KCTD2: variants seen among roughly 807,000 people sequenced by gnomAD.
KCTD2 encodes the protein potassium channel tetramerization domain containing 2.
Under a neutral mutation model 27.9 loss-of-function variants are expected in KCTD2, and 18 were observed. The observed-to-expected ratio is 0.64, with a 90% CI of 0.45 to 0.96. The LOEUF (loss-of-function observed/expected upper bound fraction) is 0.96. KCTD2 is among the 40% of genes least tolerant of loss of function. KCTD2 has a pLI of 0.00. For missense variants in KCTD2, 280 were observed against 348.0 expected (o/e 0.80, Z 1.56); for synonymous variants, 175 against 148.4 (o/e 1.18, Z -1.30).
upstream of KCTD2, among the ~76,000 whole-genome samples, chr17:75,046,620 C>T (rs915279266): frequency 2.6e-5 from 4 of 152,248 alleles, no homozygotes; most frequent in Admixed American, 2.6e-4. Context: ...TTCCCCAGTC[C>T]CCCCACCAAA....
chr17:75,062,287 G>T, intron 5 of KCTD2, 42 bp downstream of exon 5: 1 of 1,582,296 alleles, frequency 6.3e-7, no homozygotes, highest in Non-Finnish European at 8.6e-7. Flanking sequence ...TGGCTTGCTT[G>T]TTCGCACCCC....
At chr17:75,051,378 G>A (rs1415382994) in intron 2 of KCTD2, among the ~76,000 whole-genome samples, 3 of 139,694 alleles carry the variant, frequency 2.1e-5, no homozygotes, top group Admixed American at 7.7e-5. Context: ...TCCACCTCCC[G>A]GGTTCAAGCG....
rs140527005 is a variant in KCTD2, at chr17:75,054,422, G to A, written c.540+1317G>A. On this transcript the variant is annotated intron_variant, in intron 3 of 5. Coordinates refer to ENST00000322444, the MANE Select transcript of KCTD2 (RefSeq NM_015353.3). ...ACATCTATTTCACATCCTGCCATTCGTCATATGTTTGTCGTGTGTTTGAAT... is the reference window on the plus strand; with the variant it reads ...ACATCTATTTCACATCCTGCCATTCATCATATGTTTGTCGTGTGTTTGAAT... Among the ~76,000 whole-genome samples, 11 of 152,222 alleles carry A rather than the reference G, an allele frequency of 7.2e-5. No homozygotes were observed. The East Asian group carries it at 1.3e-3, about 19-fold the overall frequency.
At chr17:75,060,469 T>C in intron 4 of KCTD2, 1 of 1,611,374 alleles carries the variant, frequency 6.2e-7, no homozygotes, top group Non-Finnish European at 8.5e-7. Flanking sequence ...AAGGTGATAC[T>C]TTCAGAAACC....
Position 75,039,177 on chromosome 17 carries a change from T to C in KCTD2, c.-259+3820T>C, listed in dbSNP as rs758910833. On this transcript the variant is annotated intron_variant, in intron 3 of 7. Transcript: ENST00000581589. ...GTGTGGTCATGAAAGAGAGAACCCA[T>C]ATTATAGGCAACGGCTACCCATCAT... 9 of 1,613,524 alleles carry C rather than the reference T, an allele frequency of 5.6e-6. No homozygotes were observed. The African/African-American group carries it at 1.2e-4, about 22-fold the overall frequency.
At chr17:75,060,757 A>G in intron 4 of KCTD2, 1 of 643,022 alleles carries the variant, frequency 1.6e-6, no homozygotes, top group Non-Finnish European at 2.6e-6. Context: ...TTTTATACGG[A>G]TTATGCCTAC....
chr17:75,062,619 C>T (rs984120338), intron 5 of KCTD2, among the ~76,000 whole-genome samples: 1 of 151,574 alleles, frequency 6.6e-6, no homozygotes, highest in African/African-American at 2.4e-5. Flanking sequence ...AGGGTGTTTT[C>T]TTACCTTGGT....
rs528131138 is a variant in KCTD2 at position 75,036,645 on chromosome 17, G to A, written c.-259+1288G>A. Among the ~76,000 whole-genome samples the A allele has an allele frequency of 5.3e-5, 8 of 152,318 alleles. No individual in the cohort carries two copies. In the South Asian group the frequency reaches 1.7e-3, roughly 32 times the overall value. On this transcript the variant is annotated intron_variant, in intron 3 of 7. Coordinates refer to the KCTD2 transcript ENST00000581589. ...TCCCAACACCTTCACGGGGCTCAGC[G>A]GTGCTCTCCTTGAACAGCGCGAGCT... is the stretch of plus-strand genomic sequence containing the variant.
At chr17:75,057,804 G>A (rs1039759799) in intron 3 of KCTD2, among the ~76,000 whole-genome samples, 47 of 151,326 alleles carry the variant, frequency 3.1e-4, no homozygotes, top group Non-Finnish European at 5.6e-4. Flanking sequence ...CAGATGATCC[G>A]CCCACCTCGG....
At chr17:75,042,506 T>C (rs1567987771), upstream of KCTD2, 1 of 1,599,794 alleles carries the variant, frequency 6.3e-7, no homozygotes, top group Non-Finnish European at 8.5e-7. Context: ...AAGTATGGGG[T>C]TCCCTCTCAG....
intron 2 of KCTD2, among the ~76,000 whole-genome samples, chr17:75,052,422 C>G (rs1176132742): frequency 6.6e-6 from 1 of 152,036 alleles, no homozygotes; most frequent in African/African-American, 2.4e-5. Context: ...CCCGTCTCTG[C>G]GAAAAATACA....
At chr17:75,043,873 TAA>T (rs1045507052), upstream of KCTD2, among the ~76,000 whole-genome samples, 14 of 152,104 alleles carry the variant, frequency 9.2e-5, no homozygotes, top group African/African-American at 3.4e-4. Context: ...AGAGGGCTGC[TAA>T]AAGTGTCACA....
intron 2 of KCTD2, among the ~76,000 whole-genome samples, chr17:75,051,388 G>A (rs4447462): frequency 0.25 from 36,369 of 144,428 alleles, 5,496 homozygotes; most frequent in Admixed American, 0.39. Context: ...GGGTTCAAGC[G>A]ATTTTCCTGC....
intron 3 of KCTD2, among the ~76,000 whole-genome samples, chr17:75,056,713 A>G (rs540518206): frequency 2.5e-4 from 38 of 152,300 alleles, no homozygotes; most frequent in African/African-American, 8.9e-4. Flanking sequence ...ATGTGGCTCT[A>G]AGATGAAGTT....
At chr17:75,048,189 G>T (rs970765622) in intron 1 of KCTD2, among the ~76,000 whole-genome samples, 1 of 152,160 alleles carries the variant, frequency 6.6e-6, no homozygotes, top group African/African-American at 2.4e-5. Flanking sequence ...GTTACTGTTT[G>T]CCGCTGCAAA....
rs2073420690 is a variant in KCTD2 at position 75,063,046 on chromosome 17, A to G, written c.791A>G (p.Ter264=). 1.2e-6 allele frequency: 2 copies of G among 1,613,786 alleles called. No individual in the cohort carries two copies. Among genetic ancestry groups the G allele is most frequent in the Admixed American group, 1.7e-5 (1 of 59,956 alleles). Residue 264 remains the stop codon, a stop_retained_variant, in exon 6 of 6, where the codon TAA becomes TGA. Transcript: ENST00000322444. The stretch of plus-strand genomic sequence containing the variant: ...CTTCAGGAGAGAGGATCGCGGATGT[A>G]AACTAAGACCCCGAAAACTCCAGAC... ...KILQERGSRM[*]
intron 1 of KCTD2, among the ~76,000 whole-genome samples, chr17:75,033,698 C>G (rs557346779): frequency 6.6e-6 from 1 of 152,224 alleles, no homozygotes; most frequent in East Asian, 1.9e-4. Context: ...CTCCATGGGG[C>G]GTCCCAGTGC....
Position 75,047,256 on chromosome 17 carries a change from G to A in KCTD2, c.6G>A (p.Ala2=), listed in dbSNP as rs1173888716. The change falls in exon 1 of 6, where the codon GCG becomes GCA. Residue 2 remains alanine, a synonymous_variant. Coordinates refer to ENST00000322444, the MANE Select transcript of KCTD2 (RefSeq NM_015353.3). The part of the protein sequence containing the change: M[A]ELQLDPAMAG... ...GGTGGCGGCGGCGGTCCAAGATGGCGGAACTGCAGCTGGACCCGGCGATGG... is the reference window on the plus strand; with the variant it reads ...GGTGGCGGCGGCGGTCCAAGATGGCAGAACTGCAGCTGGACCCGGCGATGG... 1 of 997,712 alleles carries A rather than the reference G, an allele frequency of 1.0e-6. No homozygotes were observed. The highest frequency in any genetic ancestry group is 1.3e-6 in the Non-Finnish European group (1 of 784,458). The allele number at this position is 997,712 out of a possible 1,614,324, so 61.8% of individuals were successfully genotyped here. A position where few individuals can be genotyped will look rare whatever the true frequency, so the allele number is the denominator to read the frequency against.
intron 3 of KCTD2, chr17:75,038,720 G>GC (rs1318138937): frequency 2.7e-5 from 14 of 517,116 alleles, no homozygotes; most frequent in Non-Finnish European, 4.0e-5. Context: ...AGTAAGTGGC[G>GC]CCTACACAGC....
Sources: allele counts gnomAD v4.1 joint callset (sites outside exome capture counted in the v4.1 genomes callset), GRCh38; gene constraint gnomAD v4.1.1; transcripts MANE v1.5; gene names NCBI Gene and HGNC (gene_info 2026-07-23, HGNC 2026-07-21).